Variants in SLC6A16 observed in about 807,000 individuals in gnomAD.
SLC6A16 encodes solute carrier family 6 member 16.
SLC6A16 carries 54 observed loss-of-function variants against 65.4 expected under a neutral mutation model. That is an observed-to-expected ratio of 0.83 (90% CI 0.66 to 1.04). SLC6A16 has a LOEUF of 1.04. SLC6A16 is among the 50% of genes least tolerant of loss of function. SLC6A16 has a pLI of 0.00. For synonymous variants in SLC6A16, 330 were observed against 346.5 expected (o/e 0.95, Z 0.53); for missense variants, 816 against 914.0 (o/e 0.89, Z 1.38).
intron 7 of SLC6A16, among the ~76,000 whole-genome samples, chr19:49,295,884 C>T (rs188885726): frequency 2.7e-3 from 408 of 152,354 alleles, no homozygotes; most frequent in Middle Eastern, 0.01. Context: ...GAAGCAGAAG[C>T]TTGCTCCTGG....
Position 49,289,899 on chromosome 19 carries a change from T to C in SLC6A16, c.*224A>G, listed in dbSNP as rs1000683695. The C allele has an allele frequency of 1.7e-6, 1 of 577,674 alleles. No individual in the cohort carries two copies. The highest frequency in any genetic ancestry group is 2.1e-5 in the South Asian group (1 of 46,696). The allele number at this position is 577,674 out of a possible 1,614,324, so 35.8% of individuals were successfully genotyped here. A position where few individuals can be genotyped will look rare whatever the true frequency, so the allele number is the denominator to read the frequency against. ...TATATGTGTTGTGCATGTATGTGTG[T>C]TGAGGAAGAGGATGGGGAAAACAAT... On this transcript the variant is annotated 3_prime_UTR_variant, in exon 12 of 12. Coordinates refer to ENST00000335875, the MANE Select transcript of SLC6A16 (RefSeq NM_014037.3).
At chr19:49,314,939 C>CCA (rs764586419) in intron 1 of SLC6A16, among the ~76,000 whole-genome samples, 3 of 152,092 alleles carry the variant, frequency 2.0e-5, no homozygotes, top group East Asian at 3.8e-4. Context: ...CAAGCACCTG[C>CCA]CACTCCTACA....
At position 49,308,885 on chromosome 19, in the gene SLC6A16, C is replaced by G; in HGVS notation, c.1220G>C (p.Cys407Ser). The G allele has an allele frequency of 1.2e-6, 2 of 1,614,144 alleles. No individual in the cohort carries two copies. The highest frequency in any genetic ancestry group is 1.7e-6 in the Non-Finnish European group (2 of 1,180,028). The change falls in exon 7 of 12, where the codon TGC (cysteine) becomes TCC (serine). Residue 407 changes from cysteine (C) to serine (S), a missense_variant. Transcript: ENST00000335875. ...GFWATVITHR[C>S]CERNAEILLK... ...AAGGGGCCGGCCTTACCTCTCACAG[C>G]AGCGATGTGTGATGACTGTCGCCCA...
chr19:49,295,950 T>G (rs565989467), intron 7 of SLC6A16, among the ~76,000 whole-genome samples: 1 of 152,348 alleles, frequency 6.6e-6, no homozygotes, highest in Non-Finnish European at 1.5e-5. Flanking sequence ...ATCTACAGAT[T>G]TGATGCAATC....
At chr19:49,332,214 C>A in the SLC6A16 span, 1 of 456,688 alleles carries the variant, frequency 2.2e-6, no homozygotes, top group Admixed American at 2.3e-5. Flanking sequence ...TGTCTACCAT[C>A]ACATGGTGCT....
chr19:49,305,184 C>T (rs989850440), intron 7 of SLC6A16, among the ~76,000 whole-genome samples: 3 of 152,212 alleles, frequency 2.0e-5, no homozygotes, highest in Admixed American at 2.0e-4. Context: ...CTGTGAGCTA[C>T]CATGTGAAGA....
intron 4 of SLC6A16, 55 bp downstream of exon 4, chr19:49,309,985 T>C: frequency 6.3e-7 from 1 of 1,581,120 alleles, no homozygotes; most frequent in Non-Finnish European, 8.7e-7. Context: ...CCAAATTCCC[T>C]TCTACTTCTA....
chr19:49,308,460 A>T (rs1970438825), intron 7 of SLC6A16, among the ~76,000 whole-genome samples: 1 of 152,124 alleles, frequency 6.6e-6, no homozygotes, highest in Non-Finnish European at 1.5e-5. Flanking sequence ...CTCAAAAAAT[A>T]AAAATAAAAT....
rs200935779 is a variant in SLC6A16, at chr19:49,309,707, G to A, written c.820C>T (p.Leu274Phe). The A allele has an allele frequency of 4.3e-5, 70 of 1,613,994 alleles. No individual in the cohort carries two copies. Among genetic ancestry groups the A allele is most frequent in the Non-Finnish European group, 5.1e-5 (60 of 1,180,012 alleles). Reference protein sequence around the residue: ...PVYSLVLPFFLCWCLVGAFMI... With the variant: ...PVYSLVLPFFFCWCLVGAFMI... The stretch of plus-strand genomic sequence containing the variant: ...AAAGCACCAACAAGACACCAGCAAA[G>A]AAAGAAGGGCAGGACCAGACTGTAG... The change falls in exon 5 of 12, where the codon CTT (leucine) becomes TTT (phenylalanine). Residue 274 changes from leucine to phenylalanine, a missense_variant. Leu to Phe is a conservative substitution (Grantham distance 22). Coordinates refer to ENST00000335875, the MANE Select transcript of SLC6A16 (RefSeq NM_014037.3).
At chr19:49,337,270 G>A in the SLC6A16 span, 75 of 1,560,192 alleles carry the variant, frequency 4.8e-5, 1 homozygote, top group South Asian at 7.9e-4. Flanking sequence ...GGAGGAGAGG[G>A]AAGGGAGTGG....
chr19:49,332,339 G>A, the SLC6A16 span: 28 of 453,172 alleles, frequency 6.2e-5, no homozygotes, highest in Admixed American at 3.1e-4. Flanking sequence ...GGTGGATCAC[G>A]AGGTCAGGAA....
upstream of SLC6A16, among the ~76,000 whole-genome samples, chr19:49,328,802 A>G (rs1466193897): frequency 6.6e-6 from 1 of 152,224 alleles, no homozygotes; most frequent in Non-Finnish European, 1.5e-5. Flanking sequence ...TTACTTGCCC[A>G]TTCCCTTCAA....
At chr19:49,339,871 G>A in the SLC6A16 span, 1 of 1,342,696 alleles carries the variant, frequency 7.4e-7, no homozygotes, top group Non-Finnish European at 9.6e-7. This position sits in a 1 kb window ranked among gnomAD's most constrained non-coding sequence, Gnocchi z 4.5. Flanking sequence ...GCTGCCCATG[G>A]CCCTGGGGCT....
the SLC6A16 span, chr19:49,339,952 C>G: frequency 7.1e-7 from 1 of 1,399,306 alleles, no homozygotes. The surrounding 1 kb of genome is among the most constrained non-coding windows in gnomAD (Gnocchi z 4.5). Context: ...AGAGGAGGCA[C>G]AATTAGAGGC....
In SLC6A16 at chr19:49,307,732, AAGAAAAAG is replaced by A. The variant is rs1437913374; in HGVS notation, c.1229+1136_1229+1143del. Among the ~76,000 whole-genome samples, 410 of 122,770 alleles carry A rather than the reference AAGAAAAAG, an allele frequency of 3.3e-3. 2 individuals carry two copies. Among genetic ancestry groups the A allele is most frequent in the Admixed American group, 0.01 (121 of 11,954 alleles). 80.5% of individuals were successfully genotyped at this position (122,770 alleles called of 152,430 possible). A position where few individuals can be genotyped will look rare whatever the true frequency, so the allele number is the denominator to read the frequency against. ...GGAAGAGGAGGAGGAAGCAAAAAAA[AAGAAAAAG>A]AAAAAAAAGAAAAAGAAAAAAAAAA... On this transcript the variant is annotated intron_variant, in intron 7 of 11. Coordinates refer to ENST00000335875, the MANE Select transcript of SLC6A16 (RefSeq NM_014037.3).
intron 4 of SLC6A16, 64 bp from the exon 5 acceptor site, chr19:49,309,890 T>A (rs1345469390): frequency 6.6e-7 from 1 of 1,504,812 alleles, no homozygotes; most frequent in African/African-American, 1.4e-5. Flanking sequence ...CCTTATCCCC[T>A]CCCCCACCTC....
chr19:49,339,005 T>C, the SLC6A16 span: 3 of 1,236,278 alleles, frequency 2.4e-6, no homozygotes, highest in Middle Eastern at 2.2e-4. The surrounding 1 kb of genome is among the most constrained non-coding windows in gnomAD (Gnocchi z 4.5). Context: ...GGGCTGTCAG[T>C]GAGTAGCGGC....
the SLC6A16 span, among the ~76,000 whole-genome samples, chr19:49,332,574 A>G: frequency 6.6e-6 from 1 of 152,022 alleles, no homozygotes; most frequent in Non-Finnish European, 1.5e-5. Context: ...AAAAACAAAA[A>G]ACAGACACTT....
Position 49,294,048 on chromosome 19 carries a change from G to A in SLC6A16, c.1417-20C>T. The A allele has an allele frequency of 1.9e-6, 3 of 1,595,970 alleles. No homozygotes were observed. The highest frequency in any genetic ancestry group is 2.6e-6 in the Non-Finnish European group (3 of 1,170,214). On this transcript the variant is annotated intron_variant, in intron 8 of 11. Coordinates refer to ENST00000335875, the MANE Select transcript of SLC6A16 (RefSeq NM_014037.3). Reference sequence around the variant, plus strand: ...GCTAGCCTGCAAAGAGAACAAAGAGGTGTTAAAGTGTCATTGAACTAAACA... The same window carrying A: ...GCTAGCCTGCAAAGAGAACAAAGAGATGTTAAAGTGTCATTGAACTAAACA...
Sources: gnomAD v4.1 joint callset for allele counts (sites outside exome capture counted in the v4.1 genomes callset) on GRCh38, gnomAD v4.1.1 for gene constraint, Gnocchi (gnomAD v3.1) non-coding constraint, MANE v1.5 for transcripts, NCBI Gene and HGNC (gene_info 2026-07-23, HGNC 2026-07-21) for gene names.